The following EYA4 variants were observed in gnomAD, a reference collection of about 807,000 sequenced individuals.
The protein encoded by EYA4 is EYA transcriptional coactivator and phosphatase 4.
In EYA4, 31 loss-of-function variants were observed where a neutral mutation model predicts 87.9. The observed-to-expected ratio is 0.35, with a 90% CI of 0.27 to 0.48. The LOEUF (loss-of-function observed/expected upper bound fraction) is 0.48, where lower values mean the gene tolerates loss of function less well. EYA4 is among the 20% of genes least tolerant of loss of function. The pLI, the probability that EYA4 is intolerant of heterozygous loss-of-function variation, is 0.99. For synonymous variants in EYA4, 263 were observed against 270.6 expected (o/e 0.97, Z 0.28); for missense variants, 678 against 761.4 (o/e 0.89, Z 1.29).
rs552867416 is a variant in EYA4 at position 133,406,010 on chromosome 6, TTATC to T, written c.83+23580_83+23583del. Among the ~76,000 whole-genome samples the T allele has an allele frequency of 4.2e-3, 444 of 104,732 alleles. 2 individuals are homozygous for T. The highest frequency in any genetic ancestry group is 9.9e-3 in the Middle Eastern group (2 of 202). The allele number at this position is 104,732 out of a possible 152,430, so 68.7% of individuals were successfully genotyped here. On this transcript the variant is annotated intron_variant, in intron 3 of 19. Transcript: ENST00000355286. ...GCAGAGAGAATGCTGCTAAATTCTA[TTATC>T]TATCTATCTACCTACCTACCTACCT... is the stretch of plus-strand genomic sequence containing the variant.
intron 5 of EYA4, 69 bp from the exon 6 acceptor site, chr6:133,456,487 A>G (rs56109803): frequency 9.6e-7 from 1 of 1,043,014 alleles, no homozygotes; most frequent in South Asian, 1.3e-5. Context: ...AAATATCACT[A>G]GTAGAACGGA....
At chr6:133,488,630 G>C (rs1796880991) in intron 13 of EYA4, among the ~76,000 whole-genome samples, 1 of 150,370 alleles carries the variant, frequency 6.7e-6, no homozygotes, top group Non-Finnish European at 1.5e-5. Context: ...AATTCTTTGA[G>C]ATCTTATCCA....
chr6:133,399,034 G>A (rs1018820428), intron 3 of EYA4, among the ~76,000 whole-genome samples: 6 of 152,110 alleles, frequency 3.9e-5, no homozygotes, highest in Non-Finnish European at 8.8e-5. Flanking sequence ...GCCTTCCCAT[G>A]TCTGCGGACT....
chr6:133,505,555 G>C (rs1249667760), intron 13 of EYA4, among the ~76,000 whole-genome samples: 1 of 152,104 alleles, frequency 6.6e-6, no homozygotes, highest in Non-Finnish European at 1.5e-5. Context: ...TTACCTTGTT[G>C]ATAAAAATGC....
At chr6:133,407,252 T>G (rs144905716) in intron 3 of EYA4, among the ~76,000 whole-genome samples, 5 of 6,828 alleles carry the variant, frequency 7.3e-4, no homozygotes, top group African/African-American at 7.2e-4. Flanking sequence ...GAGTCTAGGG[T>G]TTTTTTTTTT....
In EYA4 at chr6:133,531,146, C is replaced by T. The variant is rs932744767; in HGVS notation, c.*2341C>T. ...ACCCCTTGGAAGGGCAAAGAGAAGC[C>T]GGCTGGTTGCATCACCCCGTGCAGT... On this transcript the variant is annotated 3_prime_UTR_variant, in exon 20 of 20. Coordinates refer to ENST00000355286, the MANE Select transcript of EYA4 (RefSeq NM_004100.5). The T allele has an allele frequency of 7.1e-5, 109 of 1,530,306 alleles. No individual in the cohort carries two copies. Among genetic ancestry groups the T allele is most frequent in the South Asian group, 3.1e-4 (26 of 83,534 alleles). 94.8% of individuals were successfully genotyped at this position (1,530,306 alleles called of 1,614,324 possible).
At chr6:133,292,669 T>A (rs1778583628) in intron 2 of EYA4, among the ~76,000 whole-genome samples, 1 of 152,116 alleles carries the variant, frequency 6.6e-6, no homozygotes, top group African/African-American at 2.4e-5. Flanking sequence ...AATTTAGGAG[T>A]TGATCTAAAA....
At chr6:133,248,738 CGTT>C (rs1358663010) in intron 1 of EYA4, 1 of 152,138 alleles carries the variant, frequency 6.6e-6, no homozygotes, top group Non-Finnish European at 1.5e-5. Context: ...AATTTAATGA[CGTT>C]GTAGGTGAAT....
chr6:133,370,832 T>C (rs974751178), intron 2 of EYA4, among the ~76,000 whole-genome samples: 14 of 152,180 alleles, frequency 9.2e-5, no homozygotes, highest in Admixed American at 2.0e-4. Context: ...AGAATGAGTG[T>C]TTCCCTCCAT....
At chr6:133,507,330 T>C (rs1798728548) in intron 14 of EYA4, 1 of 152,052 alleles carries the variant, frequency 6.6e-6, no homozygotes, top group Non-Finnish European at 1.5e-5. Flanking sequence ...TGCTGAAAAT[T>C]TTACAAGTGT....
At chr6:133,384,792 G>C (rs1786553100) in intron 3 of EYA4, among the ~76,000 whole-genome samples, 1 of 152,046 alleles carries the variant, frequency 6.6e-6, no homozygotes, top group Admixed American at 6.5e-5. Context: ...ACACCAAGGA[G>C]AGAATAAAAA....
chr6:133,453,397 G>A (rs1793630951), intron 5 of EYA4, among the ~76,000 whole-genome samples: 1 of 151,934 alleles, frequency 6.6e-6, no homozygotes, highest in South Asian at 2.1e-4. Flanking sequence ...ATTATATAAT[G>A]TTTACTTTAT....
At chr6:133,380,831 A>C (rs562806515) in intron 2 of EYA4, among the ~76,000 whole-genome samples, 2 of 143,960 alleles carry the variant, frequency 1.4e-5, no homozygotes, top group African/African-American at 2.6e-5. Context: ...CCTACGCCTT[A>C]TTCCTCTTCC....
At chr6:133,356,429 CATGTT>C (rs1425001274) in intron 2 of EYA4, among the ~76,000 whole-genome samples, 3 of 152,116 alleles carry the variant, frequency 2.0e-5, no homozygotes, top group African/African-American at 7.2e-5. Flanking sequence ...ATGATGTAGT[CATGTT>C]AGGGAACTTC....
chr6:133,332,568 C>T (rs749727511), intron 2 of EYA4, among the ~76,000 whole-genome samples: 2 of 152,062 alleles, frequency 1.3e-5, no homozygotes, highest in Non-Finnish European at 2.9e-5. Context: ...ACCAGTCTTG[C>T]TCTGTCGCCA....
intron 3 of EYA4, among the ~76,000 whole-genome samples, chr6:133,437,521 G>T (rs1791804926): frequency 6.6e-6 from 1 of 152,082 alleles, no homozygotes. Context: ...AAAGATTAAA[G>T]GTGATAATAT....
intron 3 of EYA4, among the ~76,000 whole-genome samples, chr6:133,410,930 G>T (rs922925707): frequency 9.9e-5 from 15 of 152,158 alleles, no homozygotes; most frequent in Middle Eastern, 3.4e-3. Context: ...TAGAGGTGGG[G>T]ATGAGCCCTC....
chr6:133,516,371 C>T (rs561723483), intron 17 of EYA4, among the ~76,000 whole-genome samples: 1 of 151,776 alleles, frequency 6.6e-6, no homozygotes, highest in Non-Finnish European at 1.5e-5. Flanking sequence ...TATCCCTGCA[C>T]CTAAAATAAA....
chr6:133,525,332 T>C (rs1800549722), intron 19 of EYA4, 78 bp downstream of exon 19: 1 of 1,155,254 alleles, frequency 8.7e-7, no homozygotes, highest in Non-Finnish European at 1.3e-6. Flanking sequence ...TTTGGCCCAA[T>C]GGCAGCTTGA....
Sources: gnomAD v4.1 joint callset for allele counts (sites outside exome capture counted in the v4.1 genomes callset) on GRCh38, gnomAD v4.1.1 for gene constraint, MANE v1.5 for transcripts, NCBI Gene and HGNC (gene_info 2026-07-23, HGNC 2026-07-21) for gene names.